Variants in KDM6A observed in about 807,000 individuals in gnomAD.
KDM6A encodes lysine demethylase 6A, also known as lysine-specific demethylase 6A.
A neutral mutation model predicts 117.6 loss-of-function variants in KDM6A; 11 were observed. The ratio of observed to expected loss-of-function variants is 0.09; its 90% CI spans 0.06 to 0.15. The LOEUF (loss-of-function observed/expected upper bound fraction) is 0.15, where lower values mean the gene tolerates loss of function less well. KDM6A is among the 10% of genes least tolerant of loss of function. The pLI is 1.00. For missense variants in KDM6A, 799 were observed against 1,077.3 expected (o/e 0.74, Z 3.62); for synonymous variants, 384 against 396.1 (o/e 0.97, Z 0.36).
intron 2 of KDM6A, among the ~76,000 whole-genome samples, chrX:44,934,165 AT>A (rs1263946299): frequency 1.8e-5 from 2 of 112,076 alleles, no homozygotes; most frequent in Admixed American, 9.5e-5. Flanking sequence ...GAAATATATA[AT>A]CTATCAGTTC....
chrX:45,035,115 C>T (rs1000692431), intron 7 of KDM6A, 130 bp downstream of exon 7: 4 of 559,236 alleles, frequency 7.2e-6, no homozygotes, highest in African/African-American at 6.8e-5. Context: ...GTATTGGTTG[C>T]CATGGCTACT....
At chrX:44,970,155 G>A (rs2039271634) in intron 3 of KDM6A, among the ~76,000 whole-genome samples, 1 of 111,932 alleles carries the variant, frequency 8.9e-6, no homozygotes, top group Non-Finnish European at 1.9e-5. Flanking sequence ...AGCATAATGA[G>A]GGTAGAGTAT....
rs182177867 is a variant in KDM6A, at chrX:45,081,571, T to C, written c.3301-1005T>C. Among the ~76,000 whole-genome samples, 203 of 111,566 alleles carry C rather than the reference T, an allele frequency of 1.8e-3. 1 individual carries two copies. Among genetic ancestry groups the C allele is most frequent in the African/African-American group, 6.3e-3 (195 of 30,710 alleles). ...ATCTTATCTTCCACTATTACACATA[T>C]ATAGCTATGTACACATACATACACC... On this transcript the variant is annotated intron_variant, in intron 21 of 29. Coordinates refer to ENST00000611820, the MANE Select transcript of KDM6A (RefSeq NM_001291415.2).
intron 29 of KDM6A, among the ~76,000 whole-genome samples, chrX:45,111,037 C>A (rs2046748179): frequency 8.9e-6 from 1 of 111,948 alleles, no homozygotes; most frequent in Admixed American, 9.5e-5. Context: ...ATTCTGAAGG[C>A]AGTCACTAGT....
intron 2 of KDM6A, among the ~76,000 whole-genome samples, chrX:44,939,285 A>G (rs1269611320): frequency 1.8e-5 from 2 of 112,571 alleles, no homozygotes; most frequent in Non-Finnish European, 3.7e-5. Flanking sequence ...TAAAATATCC[A>G]CATTAGCAGG....
intron 5 of KDM6A, 52 bp from the exon 6 acceptor site, chrX:45,020,558 A>T (rs2147663112): frequency 1.6e-4 from 157 of 994,631 alleles, no homozygotes; most frequent in Non-Finnish European, 2.0e-4. Flanking sequence ...ACCAAGCAAG[A>T]ATTCATGCAC....
chrX:45,106,831 G>T (rs1280510418), intron 27 of KDM6A: 1 of 241,351 alleles, frequency 4.1e-6, no homozygotes, highest in Non-Finnish European at 7.7e-6. Context: ...AAGATAAAAT[G>T]AAGACATACT....
intron 2 of KDM6A, among the ~76,000 whole-genome samples, chrX:44,936,011 CAG>C (rs1228731725): frequency 8.9e-6 from 1 of 112,138 alleles, no homozygotes; most frequent in Non-Finnish European, 1.9e-5. Flanking sequence ...GCTTCTGTAA[CAG>C]ATAACTATAA....
intron 25 of KDM6A, among the ~76,000 whole-genome samples, chrX:45,087,947 G>A (rs1166867133): frequency 9.0e-6 from 1 of 111,431 alleles, no homozygotes; most frequent in East Asian, 2.8e-4. Flanking sequence ...ACTGTATACT[G>A]TATCTGTAGT....
At chrX:44,913,253 T>G (rs1602165494) in intron 2 of KDM6A, among the ~76,000 whole-genome samples, 1 of 111,124 alleles carries the variant, frequency 9.0e-6, no homozygotes, top group African/African-American at 3.3e-5. Flanking sequence ...TCTAGCTTAT[T>G]GTAAGAATAC....
chrX:45,006,124 C>T (rs2041465686), intron 4 of KDM6A, among the ~76,000 whole-genome samples: 2 of 101,469 alleles, frequency 2.0e-5, no homozygotes, highest in Non-Finnish European at 4.0e-5. Flanking sequence ...TGTGAGAATC[C>T]TTTAAGCTAG....
Position 44,891,209 on chromosome X carries a change from C to G in KDM6A, c.225+17222C>G, listed in dbSNP as rs575277521. 1.4e-4 allele frequency among the ~76,000 whole-genome samples: 15 copies of G among 110,486 alleles called. No individual in the cohort carries two copies. The South Asian group carries it at 5.6e-3, about 41-fold the overall frequency. On this transcript the variant is annotated intron_variant, in intron 2 of 29. Coordinates refer to ENST00000611820, the MANE Select transcript of KDM6A (RefSeq NM_001291415.2). ...ATGTATTAATTTTTATTTTATGGAT[C>G]TTGATGTGAAGTATAAAAACATGTT... is the stretch of plus-strand genomic sequence containing the variant.
At chrX:44,976,782 G>A (rs1466621197) in intron 4 of KDM6A, among the ~76,000 whole-genome samples, 1 of 111,483 alleles carries the variant, frequency 9.0e-6, no homozygotes, top group Admixed American at 9.6e-5. Context: ...TAATACTGCT[G>A]TGAACATTTG....
intron 18 of KDM6A, among the ~76,000 whole-genome samples, chrX:45,075,289 C>T (rs1227372134): frequency 1.8e-5 from 2 of 111,104 alleles, no homozygotes; most frequent in African/African-American, 6.5e-5. Flanking sequence ...ATGTTAAAAG[C>T]AAAAATTTGA....
chrX:45,096,036 T>A (rs1296564345), intron 27 of KDM6A, among the ~76,000 whole-genome samples: 2 of 111,827 alleles, frequency 1.8e-5, no homozygotes, highest in African/African-American at 6.5e-5. Context: ...TCCCCCTTTT[T>A]TTCCTTTGAA....
intron 6 of KDM6A, among the ~76,000 whole-genome samples, chrX:45,031,289 G>A (rs2042593532): frequency 8.9e-6 from 1 of 111,808 alleles, no homozygotes; most frequent in African/African-American, 3.3e-5. Flanking sequence ...ATTAATTTCA[G>A]TGAACATTGT....
At chrX:44,897,138 C>CT (rs752521695) in intron 2 of KDM6A, among the ~76,000 whole-genome samples, 4,573 of 72,959 alleles carry the variant, frequency 0.063, 116 homozygotes, top group Middle Eastern at 0.11. Flanking sequence ...AGGCTTTGTT[C>CT]TTTTTTTTTT....
chrX:45,035,762 C>T (rs760763961), intron 7 of KDM6A, among the ~76,000 whole-genome samples: 33 of 107,418 alleles, frequency 3.1e-4, no homozygotes, highest in Non-Finnish European at 5.0e-4. Flanking sequence ...TGCAGTGGCG[C>T]GATTTTGGCT....
At chrX:44,930,392 T>G (rs867038223) in intron 2 of KDM6A, among the ~76,000 whole-genome samples, 2 of 112,070 alleles carry the variant, frequency 1.8e-5, no homozygotes, top group Admixed American at 9.5e-5. Context: ...AAATTTGATA[T>G]TTTGTTCTAA....
Sources: gnomAD v4.1 joint callset for allele counts (sites outside exome capture counted in the v4.1 genomes callset) on GRCh38, gnomAD v4.1.1 for gene constraint, MANE v1.5 for transcripts, NCBI Gene and HGNC (gene_info 2026-07-23, HGNC 2026-07-21) for gene names.